Variants in SRGAP3 observed in about 807,000 individuals in gnomAD.
The protein encoded by SRGAP3 is SLIT-ROBO Rho GTPase activating protein 3, also known as SLIT-ROBO Rho GTPase-activating protein 3.
Under a neutral mutation model 121.1 loss-of-function variants are expected in SRGAP3, and 39 were observed. The ratio of observed to expected loss-of-function variants is 0.32; its 90% CI spans 0.25 to 0.42. The LOEUF (loss-of-function observed/expected upper bound fraction) is 0.42, where lower values mean the gene tolerates loss of function less well. Ranked by LOEUF, SRGAP3 falls within the 10% of genes least tolerant of loss-of-function variation. The pLI, the probability that SRGAP3 is intolerant of heterozygous loss-of-function variation, is 1.00. For missense variants in SRGAP3, 1,213 were observed against 1,470.6 expected (o/e 0.82, Z 2.86); for synonymous variants, 601 against 570.0 (o/e 1.05, Z -0.77).
chr3:9,315,476 C>A (rs568746927), intron 3 of SRGAP3, among the ~76,000 whole-genome samples: 2 of 152,276 alleles, frequency 1.3e-5, no homozygotes, highest in South Asian at 2.1e-4. Context: ...ACAGAGAGCA[C>A]GTGGACTGAG....
chr3:9,256,691 G>GA (rs1331060588), intron 3 of SRGAP3: 5 of 396,524 alleles, frequency 1.3e-5, no homozygotes, highest in African/African-American at 1.0e-4. Context: ...CCCAGGGGAG[G>GA]AAAAGTGACT....
Position 9,158,350 on chromosome 3 carries a change from C to T in SRGAP3, c.68-33433G>A, listed in dbSNP as rs373952181. Among the ~76,000 whole-genome samples, 16 of 152,286 alleles carry T rather than the reference C, an allele frequency of 1.1e-4. No homozygotes were observed. In the East Asian group the frequency reaches 3.1e-3, roughly 29 times the overall value. On this transcript the variant is annotated intron_variant, in intron 1 of 21. Transcript: ENST00000383836. ...CTCAAACGCCAGAGAAGGGCAGTTGCTCATTCACATGCAGCCCCCTGTTAA... is the reference window on the plus strand; with the variant it reads ...CTCAAACGCCAGAGAAGGGCAGTTGTTCATTCACATGCAGCCCCCTGTTAA...
intron 7 of SRGAP3, among the ~76,000 whole-genome samples, 189 bp from the exon 8 acceptor site, chr3:9,056,523 G>T (rs1945831217): frequency 6.6e-6 from 1 of 152,226 alleles, no homozygotes; most frequent in African/African-American, 2.4e-5. Context: ...GAGAACCGGG[G>T]TCTTCCTACT....
chr3:9,026,666 G>C (rs1944221267), intron 13 of SRGAP3, among the ~76,000 whole-genome samples: 1 of 152,220 alleles, frequency 6.6e-6, no homozygotes, highest in Non-Finnish European at 1.5e-5. Flanking sequence ...TCAAAGCACA[G>C]AGCTATAGGG....
intron 11 of SRGAP3, chr3:9,037,203 C>T (rs1473329532): frequency 6.6e-6 from 1 of 152,184 alleles, no homozygotes; most frequent in Non-Finnish European, 1.5e-5. Flanking sequence ...GAAAGTGAGG[C>T]AAAAAGTAGC....
intron 1 of SRGAP3, among the ~76,000 whole-genome samples, chr3:9,246,995 C>T (rs756751517): frequency 1.3e-5 from 2 of 152,204 alleles, no homozygotes; most frequent in Non-Finnish European, 2.9e-5. Context: ...TAATGCCTAA[C>T]TGGCCCTGAA....
At chr3:9,174,744 C>T (rs1951115678) in intron 1 of SRGAP3, among the ~76,000 whole-genome samples, 1 of 152,226 alleles carries the variant, frequency 6.6e-6, no homozygotes, top group African/African-American at 2.4e-5. Flanking sequence ...TGCTACTTCT[C>T]CTCCAGGGGG....
intron 1 of SRGAP3, among the ~76,000 whole-genome samples, chr3:9,166,907 C>T (rs1004566902): frequency 2.6e-5 from 4 of 152,108 alleles, no homozygotes; most frequent in African/African-American, 9.7e-5. Context: ...ACTCATATGG[C>T]CCCACCCTGA....
chr3:9,188,866 C>A (rs1951675122), intron 1 of SRGAP3, among the ~76,000 whole-genome samples: 1 of 152,142 alleles, frequency 6.6e-6, no homozygotes, highest in South Asian at 2.1e-4. Flanking sequence ...TGCTCCCCTG[C>A]CCATTCTCTC....
chr3:9,162,082 G>A (rs1950616374), intron 1 of SRGAP3, among the ~76,000 whole-genome samples: 1 of 152,138 alleles, frequency 6.6e-6, no homozygotes, highest in Non-Finnish European at 1.5e-5. Context: ...AATACTGTAT[G>A]ACTCTACTTA....
At chr3:9,054,837 A>T (rs1945744755) in intron 8 of SRGAP3, among the ~76,000 whole-genome samples, 1 of 152,218 alleles carries the variant, frequency 6.6e-6, no homozygotes, top group Non-Finnish European at 1.5e-5. Flanking sequence ...GTGCTCTATA[A>T]ATACTTGAAT....
At chr3:9,063,695 C>A (rs1408278575) in intron 5 of SRGAP3, among the ~76,000 whole-genome samples, 1 of 152,172 alleles carries the variant, frequency 6.6e-6, no homozygotes, top group Non-Finnish European at 1.5e-5. Context: ...CAGCCCAGTG[C>A]TCTGGGCAAT....
intron 1 of SRGAP3, among the ~76,000 whole-genome samples, chr3:9,212,245 G>A (rs748885596): frequency 5.3e-5 from 8 of 152,256 alleles, no homozygotes; most frequent in East Asian, 1.9e-4. Flanking sequence ...CATAAACCAC[G>A]CTGGTCCCAG....
At chr3:9,282,366 T>C (rs1258005453) in intron 3 of SRGAP3, among the ~76,000 whole-genome samples, 2 of 152,278 alleles carry the variant, frequency 1.3e-5, no homozygotes, top group Non-Finnish European at 2.9e-5. Context: ...AATGTATATT[T>C]AATAAGAAGC....
At chr3:9,006,541 T>A (rs936431050) in intron 18 of SRGAP3, among the ~76,000 whole-genome samples, 2 of 152,136 alleles carry the variant, frequency 1.3e-5, no homozygotes, top group Admixed American at 6.5e-5. Context: ...CAGAATATTA[T>A]GCAGAGTGAA....
chr3:9,300,682 G>A (rs1955040603), intron 3 of SRGAP3, among the ~76,000 whole-genome samples: 1 of 152,180 alleles, frequency 6.6e-6, no homozygotes, highest in African/African-American at 2.4e-5. Context: ...AAGGGAGAGA[G>A]GGGAGAAATT....
chr3:9,123,707 AAT>A (rs368589354), intron 2 of SRGAP3, among the ~76,000 whole-genome samples: 7,014 of 137,130 alleles, frequency 0.051, 351 homozygotes, highest in African/African-American at 0.14. Context: ...TCTGTCTCAA[AAT>A]ATATATATAT....
chr3:9,053,111 C>T lies in SRGAP3; in HGVS notation c.1239G>A (p.Ser413=), dbSNP rs150085119. Residue 413 remains serine, a synonymous_variant, in exon 9 of 22, where the codon TCG becomes TCA. Transcript: ENST00000383836. ...TGCTCATGTAGGTCTCAGAGGCAGCCGACTTGACGGACTCTGTCGATCGAC... is the reference window on the plus strand; with the variant it reads ...TGCTCATGTAGGTCTCAGAGGCAGCTGACTTGACGGACTCTGTCGATCGAC... ...QHSRSTESVK[S]AASETYMSKI... 18 of 1,614,032 alleles carry T rather than the reference C, an allele frequency of 1.1e-5. No homozygotes were observed. The highest frequency in any genetic ancestry group is 1.6e-4 in the Middle Eastern group (1 of 6,072).
At chr3:9,354,304 C>G (rs2030364342) in intron 1 of SRGAP3, among the ~76,000 whole-genome samples, 1 of 152,194 alleles carries the variant, frequency 6.6e-6, no homozygotes. Context: ...GTCCTTGCCT[C>G]TCTCTGCAGG....
Sources: allele counts gnomAD v4.1 joint callset (sites outside exome capture counted in the v4.1 genomes callset), GRCh38; gene constraint gnomAD v4.1.1; transcripts MANE v1.5; gene names NCBI Gene and HGNC (gene_info 2026-07-23, HGNC 2026-07-21).